The following SOX6 variants were observed in gnomAD, a reference collection of about 807,000 sequenced individuals.
SOX6 encodes transcription factor SOX-6.
A neutral mutation model predicts 97.8 loss-of-function variants in SOX6; 11 were observed. The observed-to-expected ratio is 0.11, with a 90% CI of 0.07 to 0.19. The LOEUF (loss-of-function observed/expected upper bound fraction) is 0.19. Among genes scored for constraint, SOX6 ranks in the 10% least tolerant of loss-of-function variants. The probability of loss-of-function intolerance (pLI) is 1.00; values close to 1 mark genes in which losing one functional copy is unlikely to be tolerated. For missense variants in SOX6, 810 were observed against 1,039.5 expected (o/e 0.78, Z 3.04); for synonymous variants, 360 against 371.4 (o/e 0.97, Z 0.35).
At chr11:16,655,995 T>C (rs1847714356) in intron 3 of SOX6, among the ~76,000 whole-genome samples, 1 of 152,118 alleles carries the variant, frequency 6.6e-6, no homozygotes. Flanking sequence ...ATTTATCCTA[T>C]TACTTTTTTG....
At chr11:16,192,783 C>G (rs990017838) in intron 4 of SOX6, among the ~76,000 whole-genome samples, 1 of 152,034 alleles carries the variant, frequency 6.6e-6, no homozygotes, top group Non-Finnish European at 1.5e-5. Context: ...TATTTAAAAG[C>G]CTTTTTTTAC....
chr11:16,708,353 T>C (rs1848152553), intron 3 of SOX6, among the ~76,000 whole-genome samples: 1 of 152,216 alleles, frequency 6.6e-6, no homozygotes, highest in Admixed American at 6.5e-5. Flanking sequence ...GGTCCTCTGA[T>C]GCATCCACAT....
intron 9 of SOX6, among the ~76,000 whole-genome samples, chr11:16,094,373 G>A (rs900155269): frequency 4.0e-5 from 6 of 151,736 alleles, no homozygotes; most frequent in African/African-American, 7.3e-5. Flanking sequence ...GAAGAGACTG[G>A]GTAGAAACCT....
intron 3 of SOX6, chr11:16,646,396 T>C (rs1849015245): frequency 6.6e-6 from 1 of 152,224 alleles, no homozygotes; most frequent in Non-Finnish European, 1.5e-5. Context: ...TGATTACTCA[T>C]ATGTGTTGCT....
rs10832632 is a variant in SOX6 at position 16,522,275 on chromosome 11, G to T, written n.610-45887C>A. ...AAGGGAAGCCCATCAGACTAACAGC[G>T]GATCTCTTGGCAGGAACTCTACAAC... On this transcript the variant is annotated intron_variant and non_coding_transcript_variant, in intron 4 of 5. Transcript: ENST00000524520. Among the ~76,000 whole-genome samples, 92 of 152,084 alleles carry T rather than the reference G, an allele frequency of 6.0e-4. 1 individual carries two copies. In the East Asian group the frequency reaches 0.012, roughly 20 times the overall value.
intron 1 of SOX6, among the ~76,000 whole-genome samples, chr11:16,471,392 T>C (rs1860140235): frequency 1.3e-5 from 2 of 152,176 alleles, no homozygotes; most frequent in African/African-American, 4.8e-5. Context: ...TCTCACACAC[T>C]TTTGGTGTAG....
rs148411919 is a variant in SOX6, at chr11:16,166,991, C to T, written c.777+16895G>A. ...TAAAAACACTGAACTTTGAAAACTACGCATACATTGACACTCTCAAATGTA... is the reference window on the plus strand; with the variant it reads ...TAAAAACACTGAACTTTGAAAACTATGCATACATTGACACTCTCAAATGTA... On this transcript the variant is annotated intron_variant, in intron 6 of 15. Transcript: ENST00000683767. Among the ~76,000 whole-genome samples the T allele has an allele frequency of 3.0e-3, 457 of 152,288 alleles. 4 individuals are homozygous for T. The highest frequency in any genetic ancestry group is 0.011 in the African/African-American group (444 of 41,572).
At chr11:15,978,853 T>C (rs931884329) in intron 15 of SOX6, among the ~76,000 whole-genome samples, 3 of 136,148 alleles carry the variant, frequency 2.2e-5, no homozygotes, top group African/African-American at 8.0e-5. Context: ...TTATATATAA[T>C]ATATATTATA....
chr11:16,145,711 A>T (rs1372381162), intron 6 of SOX6, among the ~76,000 whole-genome samples: 3 of 152,222 alleles, frequency 2.0e-5, no homozygotes, highest in Non-Finnish European at 4.4e-5. Context: ...CCAACAACAG[A>T]CAAACAGAGA....
chr11:16,255,842 A>G (rs987788976), intron 3 of SOX6, among the ~76,000 whole-genome samples: 2 of 102,026 alleles, frequency 2.0e-5, no homozygotes, highest in East Asian at 3.5e-4. Context: ...AGACTAAAGG[A>G]AAAAAAAAAA....
chr11:16,262,665 T>A (rs1344035012), intron 3 of SOX6, among the ~76,000 whole-genome samples: 1 of 152,044 alleles, frequency 6.6e-6, no homozygotes, highest in African/African-American at 2.4e-5. Flanking sequence ...TTTTTACATA[T>A]GAAATTATGT....
At chr11:16,154,801 T>C (rs1396531293) in intron 6 of SOX6, among the ~76,000 whole-genome samples, 3 of 152,158 alleles carry the variant, frequency 2.0e-5, no homozygotes, top group African/African-American at 7.2e-5. Context: ...TCTATCTACC[T>C]TGATAAATTT....
chr11:16,043,212 G>C (rs1361691285), intron 12 of SOX6, among the ~76,000 whole-genome samples: 1 of 152,146 alleles, frequency 6.6e-6, no homozygotes, highest in South Asian at 2.1e-4. Flanking sequence ...TTAGGCTATA[G>C]TATGATCTAA....
chr11:16,260,145 AC>A (rs1252367101), intron 3 of SOX6, among the ~76,000 whole-genome samples: 13 of 151,800 alleles, frequency 8.6e-5, no homozygotes, highest in Non-Finnish European at 1.9e-4. Context: ...GACTACAGGC[AC>A]CTGCCACCAC....
At chr11:16,546,267 A>G (rs1295196004) in intron 4 of SOX6, among the ~76,000 whole-genome samples, 1 of 152,202 alleles carries the variant, frequency 6.6e-6, no homozygotes, top group Non-Finnish European at 1.5e-5. Flanking sequence ...TAAAATGACC[A>G]TACTACCCAA....
chr11:16,372,669 A>T (rs1857522678), intron 1 of SOX6, among the ~76,000 whole-genome samples: 1 of 152,096 alleles, frequency 6.6e-6, no homozygotes, highest in Non-Finnish European at 1.5e-5. Context: ...TTTTCACAGG[A>T]GAGGAATTGC....
intron 6 of SOX6, 134 bp from the exon 7 acceptor site, chr11:16,112,057 G>T: frequency 8.8e-7 from 1 of 1,140,430 alleles, no homozygotes; most frequent in Non-Finnish European, 1.3e-6. Flanking sequence ...TCTGCAATCT[G>T]AGAAAATTCA....
At chr11:16,179,040 G>T (rs1851276536) in intron 6 of SOX6, among the ~76,000 whole-genome samples, 1 of 151,712 alleles carries the variant, frequency 6.6e-6, no homozygotes, top group South Asian at 2.1e-4. Context: ...GGTCAAGCAG[G>T]TCATGAAGGC....
chr11:16,451,455 C>G lies in SOX6; in HGVS notation c.-5+24860G>C, dbSNP rs1859714330. Among the ~76,000 whole-genome samples the G allele has an allele frequency of 2.6e-5, 4 of 152,220 alleles. No homozygotes were observed. The South Asian group carries it at 8.3e-4, about 32-fold the overall frequency. ...CTAAGGACTTCCAAAAGCCTTCCCC[C>G]AGAGCACATGCTAGTAAACACCACA... is the stretch of plus-strand genomic sequence containing the variant. On this transcript the variant is annotated intron_variant, in intron 1 of 15. Transcript: ENST00000396356.
Sources: allele counts gnomAD v4.1 joint callset (sites outside exome capture counted in the v4.1 genomes callset), GRCh38; gene constraint gnomAD v4.1.1; transcripts MANE v1.5; gene names NCBI Gene and HGNC (gene_info 2026-07-23, HGNC 2026-07-21).